The following PCDH11X variants were observed in gnomAD, a reference collection of about 807,000 sequenced individuals.
PCDH11X encodes protocadherin 11 X-linked, also known as protocadherin-11 X-linked.
In PCDH11X, 18 loss-of-function variants were observed where a neutral mutation model predicts 53.3. The ratio of observed to expected loss-of-function variants is 0.34; its 90% CI spans 0.23 to 0.50. The LOEUF is 0.50. PCDH11X is among the 20% of genes least tolerant of loss of function. PCDH11X has a pLI of 0.98. For missense variants in PCDH11X, 570 were observed against 1,032.4 expected (o/e 0.55, Z 6.14); for synonymous variants, 279 against 393.3 (o/e 0.71, Z 3.44).
At chrX:92,051,448 G>C (rs1345244543) in intron 6 of PCDH11X, among the ~76,000 whole-genome samples, 8 of 111,601 alleles carry the variant, frequency 7.2e-5, no homozygotes. Flanking sequence ...ATTCCAAGCT[G>C]GTGGAAATGT....
intron 7 of PCDH11X, among the ~76,000 whole-genome samples, chrX:92,210,524 C>G (rs1192134932): frequency 9.0e-6 from 1 of 110,887 alleles, no homozygotes; most frequent in Non-Finnish European, 1.9e-5. Flanking sequence ...CAGGCATGAG[C>G]AACTGTGCCC....
rs431958 is a variant in PCDH11X, at chrX:92,242,097, C to A, written c.3115-21017C>A. On this transcript the variant is annotated intron_variant, in intron 7 of 10. Coordinates refer to ENST00000682573, the MANE Select transcript of PCDH11X (RefSeq NM_032968.5). ...GGGCAACAGAGTGAAACCTCCATCT[C>A]AAAAAAAAAAAAGATACTGAACAGT... 1.6e-3 allele frequency among the ~76,000 whole-genome samples: 163 copies of A among 101,172 alleles called. 1 individual carries two copies. The South Asian group carries it at 0.037, about 23-fold the overall frequency. The allele number at this position is 101,172 out of a possible 115,157, so 87.9% of individuals were successfully genotyped here.
Position 92,603,368 on chromosome X carries a change from G to A in PCDH11X, c.3368-14896G>A, listed in dbSNP as rs781250018. On this transcript the variant is annotated intron_variant, in intron 10 of 10. Transcript: ENST00000682573. ...AAAAAGAAATAAAGAACAATTATGAGGAAAGTGGGTATCAGAAAGAAAGAA... is the reference window on the plus strand; with the variant it reads ...AAAAAGAAATAAAGAACAATTATGAAGAAAGTGGGTATCAGAAAGAAAGAA... Among the ~76,000 whole-genome samples, 7 of 107,876 alleles carry A rather than the reference G, an allele frequency of 6.5e-5. No individual in the cohort carries two copies. In the East Asian group the frequency reaches 2.0e-3, roughly 31 times the overall value. 93.7% of individuals were successfully genotyped at this position (107,876 alleles called of 115,157 possible).
intron 10 of PCDH11X, among the ~76,000 whole-genome samples, chrX:92,538,847 T>C (rs2074710881): frequency 9.6e-6 from 1 of 103,870 alleles, no homozygotes; most frequent in Admixed American, 1.1e-4. Context: ...TGGTTTTCCA[T>C]GTCCCTACTA....
chrX:91,795,310 G>A (rs1935696224), intron 1 of PCDH11X, among the ~76,000 whole-genome samples: 2 of 111,640 alleles, frequency 1.8e-5, no homozygotes, highest in Admixed American at 9.6e-5. Context: ...GGTCACAAAA[G>A]CAACTTAGTG....
chrX:91,829,052 C>T (rs893101429), intron 4 of PCDH11X, among the ~76,000 whole-genome samples: 14 of 110,211 alleles, frequency 1.3e-4, no homozygotes, highest in Non-Finnish European at 1.7e-4. Flanking sequence ...ATGCACCATA[C>T]GTATATAGGG....
chrX:92,005,053 C>T (rs1477998972), intron 6 of PCDH11X, among the ~76,000 whole-genome samples: 1 of 111,144 alleles, frequency 9.0e-6, no homozygotes, highest in Non-Finnish European at 1.9e-5. Context: ...GGATTACAGG[C>T]GTGAGCCACT....
intron 4 of PCDH11X, among the ~76,000 whole-genome samples, chrX:91,826,320 G>C (rs1419460013): frequency 9.0e-6 from 1 of 111,071 alleles, no homozygotes; most frequent in African/African-American, 3.3e-5. Context: ...TCTTATAGAT[G>C]CTATTCCTTC....
intron 10 of PCDH11X, among the ~76,000 whole-genome samples, chrX:92,478,957 G>A (rs994854969): frequency 9.2e-6 from 1 of 108,993 alleles, no homozygotes; most frequent in Non-Finnish European, 1.9e-5. Flanking sequence ...ACTGTCAAAG[G>A]GTGTTGAAAT....
At chrX:92,418,790 G>C (rs769279517) in intron 9 of PCDH11X, among the ~76,000 whole-genome samples, 2,476 of 104,664 alleles carry the variant, frequency 0.024, 75 homozygotes, top group African/African-American at 0.08. Flanking sequence ...CTTTTTGCTT[G>C]CTTTGATTGT....
At chrX:92,436,296 A>G (rs779513868) in intron 9 of PCDH11X, among the ~76,000 whole-genome samples, 8 of 110,081 alleles carry the variant, frequency 7.3e-5, no homozygotes, top group Middle Eastern at 4.7e-3. Flanking sequence ...ACCAGTCAAA[A>G]TGGCTTTTAT....
At chrX:92,101,077 A>T (rs190567119) in intron 6 of PCDH11X, among the ~76,000 whole-genome samples, 5 of 111,814 alleles carry the variant, frequency 4.5e-5, no homozygotes, top group Admixed American at 1.9e-4. Context: ...GCCAGCAAAG[A>T]TTATTTATTT....
intron 6 of PCDH11X, among the ~76,000 whole-genome samples, chrX:91,903,654 T>TGC (rs936165675): frequency 1.4e-5 from 1 of 70,138 alleles, no homozygotes; most frequent in African/African-American, 6.4e-5. Flanking sequence ...TTCCTCTATG[T>TGC]GCGTGTGTGT....
chrX:92,294,497 G>A (rs1332775989), intron 8 of PCDH11X, among the ~76,000 whole-genome samples: 16 of 112,322 alleles, frequency 1.4e-4, no homozygotes, highest in Admixed American at 3.8e-4. Flanking sequence ...ATAAATTCTA[G>A]CAATATTATT....
chrX:92,286,549 C>T (rs2068378688), intron 8 of PCDH11X, among the ~76,000 whole-genome samples: 2 of 98,850 alleles, frequency 2.0e-5, no homozygotes, highest in Admixed American at 2.2e-4. Flanking sequence ...CAAATAAATA[C>T]AATTCAGGTC....
chrX:92,529,838 G>T lies in PCDH11X; in HGVS notation c.3367+61516G>T, dbSNP rs371505315. Among the ~76,000 whole-genome samples the T allele has an allele frequency of 6.5e-5, 7 of 108,007 alleles. No homozygotes were observed. The East Asian group carries it at 1.5e-3, about 23-fold the overall frequency. The allele number at this position is 108,007 out of a possible 115,157, so 93.8% of individuals were successfully genotyped here. A position where few individuals can be genotyped will look rare whatever the true frequency, so the allele number is the denominator to read the frequency against. ...ATTATCTATGACTTGAGTCAATAAT[G>T]ACATCCATTATTGATGATAACAGTT... On this transcript the variant is annotated intron_variant, in intron 10 of 10. Transcript: ENST00000682573.
At chrX:92,434,783 G>A (rs1217684131) in intron 9 of PCDH11X, among the ~76,000 whole-genome samples, 7 of 109,636 alleles carry the variant, frequency 6.4e-5, no homozygotes, top group Non-Finnish European at 9.5e-5. Context: ...AGAAAGAGAA[G>A]TTTAATGGAC....
At position 92,564,649 on chromosome X, in the gene PCDH11X, T is replaced by G. The variant is rs186972403; in HGVS notation, c.3368-53615T>G. ...GGATTACATACTTAAATCTAAGAACTCAAACTATAAAATTACTAGAAGAAA... is the reference window on the plus strand; with the variant it reads ...GGATTACATACTTAAATCTAAGAACGCAAACTATAAAATTACTAGAAGAAA... On this transcript the variant is annotated intron_variant, in intron 10 of 10. Coordinates refer to ENST00000682573, the MANE Select transcript of PCDH11X (RefSeq NM_032968.5). Among the ~76,000 whole-genome samples, 6 of 111,612 alleles carry G rather than the reference T, an allele frequency of 5.4e-5. No homozygotes were observed. The Admixed American group carries it at 5.7e-4, about 11-fold the overall frequency.
chrX:92,163,249 C>G (rs1278918550), intron 6 of PCDH11X, among the ~76,000 whole-genome samples: 7 of 110,278 alleles, frequency 6.3e-5, no homozygotes, highest in African/African-American at 2.3e-4. Flanking sequence ...AGAGCTTGCC[C>G]CAGGCTACCA....
Sources: allele counts gnomAD v4.1 joint callset (sites outside exome capture counted in the v4.1 genomes callset), GRCh38; gene constraint gnomAD v4.1.1; transcripts MANE v1.5; gene names NCBI Gene and HGNC (gene_info 2026-07-23, HGNC 2026-07-21).